Variants in NRG3 observed in about 807,000 individuals in gnomAD.
The protein encoded by NRG3 is neuregulin 3, also known as pro-neuregulin-3, membrane-bound isoform.
NRG3 carries 31 observed loss-of-function variants against 66.9 expected under a neutral mutation model. That is an observed-to-expected ratio of 0.46 (90% CI 0.35 to 0.63). The LOEUF (loss-of-function observed/expected upper bound fraction) is 0.63, where lower values mean the gene tolerates loss of function less well. NRG3 is among the 20% of genes least tolerant of loss of function. The pLI is 0.00. For synonymous variants in NRG3, 393 were observed against 359.4 expected (o/e 1.09, Z -1.06); for missense variants, 910 against 878.9 (o/e 1.04, Z -0.45).
chr10:82,881,011 T>G (rs957605740), intron 4 of NRG3, among the ~76,000 whole-genome samples: 4 of 152,150 alleles, frequency 2.6e-5, no homozygotes, highest in Non-Finnish European at 4.4e-5. Flanking sequence ...TGAGGAAACT[T>G]AGCAAAAGGG....
chr10:82,764,379 T>TAA (rs2059437812), intron 3 of NRG3, among the ~76,000 whole-genome samples: 1 of 146,252 alleles, frequency 6.8e-6, no homozygotes, highest in African/African-American at 2.6e-5. Context: ...TGCAAATTTT[T>TAA]TTTTTTTTTT....
chr10:82,756,832 T>G (rs754674591), intron 3 of NRG3, among the ~76,000 whole-genome samples: 2 of 151,996 alleles, frequency 1.3e-5, no homozygotes, highest in Non-Finnish European at 2.9e-5. Flanking sequence ...TTTTTTTTTT[T>G]TCTTATTTGG....
intron 1 of NRG3, among the ~76,000 whole-genome samples, chr10:82,161,520 A>G (rs2071599289): frequency 6.6e-6 from 1 of 152,134 alleles, no homozygotes; most frequent in African/African-American, 2.4e-5. Flanking sequence ...TCACATAGAC[A>G]TGCCGAGGTA....
chr10:82,202,217 C>T (rs185219097), intron 1 of NRG3, among the ~76,000 whole-genome samples: 58 of 152,308 alleles, frequency 3.8e-4, no homozygotes, highest in African/African-American at 1.3e-3. Context: ...GACTCACACA[C>T]ATGACACAGG....
intron 1 of NRG3, among the ~76,000 whole-genome samples, chr10:82,192,555 T>G (rs567588300): frequency 1.3e-5 from 2 of 152,274 alleles, no homozygotes; most frequent in East Asian, 3.9e-4. Context: ...TGGTGTAAAC[T>G]CCAGGTAAAA....
At chr10:82,239,511 C>G (rs950138192) in intron 1 of NRG3, among the ~76,000 whole-genome samples, 2 of 151,994 alleles carry the variant, frequency 1.3e-5, no homozygotes, top group African/African-American at 4.8e-5. Flanking sequence ...ATTTTTTTTG[C>G]CAATTTAATT....
intron 1 of NRG3, among the ~76,000 whole-genome samples, chr10:82,288,572 A>G (rs1406456466): frequency 1.3e-5 from 2 of 152,122 alleles, no homozygotes; most frequent in African/African-American, 4.8e-5. Flanking sequence ...TTGAGTGCCT[A>G]CCACATGCCA....
At chr10:82,271,119 G>A (rs1055265049) in intron 1 of NRG3, among the ~76,000 whole-genome samples, 2 of 152,012 alleles carry the variant, frequency 1.3e-5, no homozygotes, top group Non-Finnish European at 2.9e-5. Context: ...AGGCTTAGGG[G>A]TGAGGTCTTG....
chr10:82,582,464 A>T (rs1350027973), intron 2 of NRG3, among the ~76,000 whole-genome samples: 2 of 152,098 alleles, frequency 1.3e-5, no homozygotes, highest in Non-Finnish European at 2.9e-5. Context: ...TTCTTGCACT[A>T]TTCTTTAAGT....
intron 3 of NRG3, among the ~76,000 whole-genome samples, chr10:82,741,426 C>T (rs2058418764): frequency 6.6e-6 from 1 of 152,168 alleles, no homozygotes; most frequent in African/African-American, 2.4e-5. Context: ...GCAATGGCAA[C>T]AGTAATACCT....
At chr10:81,985,494 A>G (rs1241499488) in intron 1 of NRG3, among the ~76,000 whole-genome samples, 1 of 152,246 alleles carries the variant, frequency 6.6e-6, no homozygotes, top group Non-Finnish European at 1.5e-5. Context: ...ATCGCTATCA[A>G]TGATATTTCT....
intron 3 of NRG3, among the ~76,000 whole-genome samples, chr10:82,776,269 A>G: frequency 6.6e-6 from 1 of 152,090 alleles, no homozygotes; most frequent in East Asian, 1.9e-4. Flanking sequence ...CTGACCTGTG[A>G]TATTTCTGCT....
intron 2 of NRG3, among the ~76,000 whole-genome samples, chr10:82,490,913 C>T (rs1476056073): frequency 6.6e-6 from 1 of 152,064 alleles, no homozygotes; most frequent in East Asian, 1.9e-4. Flanking sequence ...CTCAGTTCAT[C>T]TAGGGTCTGT....
At chr10:82,063,869 A>C (rs776700309) in intron 1 of NRG3, among the ~76,000 whole-genome samples, 9 of 152,150 alleles carry the variant, frequency 5.9e-5, no homozygotes, top group Non-Finnish European at 1.2e-4. Flanking sequence ...ACATCATGGA[A>C]ATTTTACTTC....
intron 2 of NRG3, among the ~76,000 whole-genome samples, chr10:82,573,929 A>G (rs1199433662): frequency 6.6e-6 from 1 of 151,794 alleles, no homozygotes; most frequent in East Asian, 1.9e-4. Flanking sequence ...CGAAAGAAGA[A>G]GTGCAGGAAT....
chr10:81,907,713 G>A (rs1844729152), intron 1 of NRG3, among the ~76,000 whole-genome samples: 1 of 152,098 alleles, frequency 6.6e-6, no homozygotes, highest in Non-Finnish European at 1.5e-5. Flanking sequence ...TTGGAGCTGG[G>A]TTGTACAGAA....
intron 2 of NRG3, among the ~76,000 whole-genome samples, chr10:82,661,458 GTATA>G (rs35788053): frequency 6.6e-6 from 1 of 151,536 alleles, no homozygotes; most frequent in Non-Finnish European, 1.5e-5. Context: ...ACACAAATAT[GTATA>G]TATATATACA....
intron 2 of NRG3, among the ~76,000 whole-genome samples, chr10:82,667,341 G>A (rs910466212): frequency 2.6e-5 from 4 of 152,104 alleles, no homozygotes; most frequent in Non-Finnish European, 5.9e-5. Context: ...TTCATGCCTC[G>A]GGTGTGAGGC....
At chr10:82,642,087 G>T (rs186582957) in intron 2 of NRG3, among the ~76,000 whole-genome samples, 48 of 152,160 alleles carry the variant, frequency 3.2e-4, no homozygotes, top group Non-Finnish European at 5.9e-5. Flanking sequence ...GCTCCCACTT[G>T]TGAGAACATG....
Sources: gnomAD v4.1 joint callset for allele counts (sites outside exome capture counted in the v4.1 genomes callset) on GRCh38, gnomAD v4.1.1 for gene constraint, MANE v1.5 for transcripts, NCBI Gene and HGNC (gene_info 2026-07-23, HGNC 2026-07-21) for gene names.